The following CCSER2 variants were observed in gnomAD, a reference collection of about 807,000 sequenced individuals.
CCSER2 encodes serine-rich coiled-coil domain-containing protein 2.
Under a neutral mutation model 92.3 loss-of-function variants are expected in CCSER2, and 46 were observed. The ratio of observed to expected loss-of-function variants is 0.50; its 90% CI spans 0.39 to 0.64. The LOEUF is 0.64. CCSER2 is among the 30% of genes least tolerant of loss of function. The probability of loss-of-function intolerance (pLI) is 0.00; values close to 1 mark genes in which losing one functional copy is unlikely to be tolerated. For synonymous variants in CCSER2, 433 were observed against 431.4 expected (o/e 1.00, Z -0.04); for missense variants, 1,244 against 1,238.9 (o/e 1.00, Z -0.06).
chr10:84,453,450 A>G (rs1365797857), intron 6 of CCSER2, among the ~76,000 whole-genome samples: 1 of 152,204 alleles, frequency 6.6e-6, no homozygotes, highest in Non-Finnish European at 1.5e-5. Context: ...TAACTGTAGT[A>G]AAAAGAGGCA....
At chr10:84,488,374 CT>C (rs1482975962) in intron 9 of CCSER2, among the ~76,000 whole-genome samples, 2 of 152,128 alleles carry the variant, frequency 1.3e-5, no homozygotes, top group African/African-American at 4.8e-5. Flanking sequence ...TGGTCCTGGA[CT>C]TTTTTTGTTT....
intron 1 of CCSER2, among the ~76,000 whole-genome samples, chr10:84,337,534 G>A (rs1038221645): frequency 2.0e-5 from 3 of 152,194 alleles, no homozygotes; most frequent in Non-Finnish European, 2.9e-5. Context: ...GAAAGGAATT[G>A]TAGACTGCTG....
At chr10:84,457,294 T>A (rs374335630) in intron 6 of CCSER2, among the ~76,000 whole-genome samples, 37 of 51,446 alleles carry the variant, frequency 7.2e-4, no homozygotes, top group South Asian at 1.8e-3. Flanking sequence ...TATTATATAT[T>A]ATATATAATA....
intron 9 of CCSER2, among the ~76,000 whole-genome samples, chr10:84,479,955 G>GA (rs889267332): frequency 2.0e-5 from 3 of 151,762 alleles, no homozygotes; most frequent in Non-Finnish European, 2.9e-5. Flanking sequence ...TCCCTGAGAG[G>GA]AAAAAAAACA....
intron 5 of CCSER2, among the ~76,000 whole-genome samples, chr10:84,429,014 T>TATATAC (rs1400134320): frequency 8.6e-5 from 12 of 139,386 alleles, no homozygotes; most frequent in African/African-American, 1.3e-4. Context: ...TATATATATA[T>TATATAC]ACACACTTAA....
chr10:84,362,713 A>G (rs1249863301), intron 1 of CCSER2, among the ~76,000 whole-genome samples: 1 of 152,222 alleles, frequency 6.6e-6, no homozygotes, highest in Non-Finnish European at 1.5e-5. Flanking sequence ...TGTGTTGAGC[A>G]TGGCATGTCC....
intron 1 of CCSER2, among the ~76,000 whole-genome samples, chr10:84,364,804 T>C (rs4279950): frequency 0.21 from 31,024 of 149,272 alleles, 3,454 homozygotes; most frequent in Admixed American, 0.33. Flanking sequence ...TGCAGTGGTA[T>C]GATCTCGGCT....
At chr10:84,338,560 CCAT>C (rs762618967) in intron 1 of CCSER2, among the ~76,000 whole-genome samples, 1 of 152,036 alleles carries the variant, frequency 6.6e-6, no homozygotes, top group South Asian at 2.1e-4. Flanking sequence ...CACTCAAGGT[CCAT>C]CATCATCATC....
At chr10:84,386,398 T>C (rs1479047692) in intron 3 of CCSER2, among the ~76,000 whole-genome samples, 1 of 152,202 alleles carries the variant, frequency 6.6e-6, no homozygotes, top group Non-Finnish European at 1.5e-5. Context: ...ATATACACCA[T>C]GGAATACTAT....
At chr10:84,498,054 G>A (rs1276088302) in intron 9 of CCSER2, among the ~76,000 whole-genome samples, 1 of 152,166 alleles carries the variant, frequency 6.6e-6, no homozygotes, top group Non-Finnish European at 1.5e-5. Context: ...CTGATTCCAA[G>A]GTCAGTGCTA....
chr10:84,421,071 G>A (rs1843125588), intron 4 of CCSER2, among the ~76,000 whole-genome samples: 1 of 152,134 alleles, frequency 6.6e-6, no homozygotes, highest in South Asian at 2.1e-4. Context: ...CAAGTTTGCT[G>A]TGACCTCATT....
chr10:84,411,225 G>A (rs1292270914), intron 3 of CCSER2, among the ~76,000 whole-genome samples: 1 of 152,062 alleles, frequency 6.6e-6, no homozygotes, highest in Admixed American at 6.6e-5. Context: ...CCTGTATATA[G>A]GCTCCTGGGT....
chr10:84,424,991 C>T (rs1227288852), intron 4 of CCSER2: 1 of 984,928 alleles, frequency 1.0e-6, no homozygotes, highest in East Asian at 1.1e-4. Context: ...ACAATGTCTC[C>T]CTTGTGCAAA....
intron 3 of CCSER2, among the ~76,000 whole-genome samples, chr10:84,387,978 C>T (rs574099813): frequency 6.6e-6 from 1 of 152,306 alleles, no homozygotes; most frequent in South Asian, 2.1e-4. Context: ...ATTCTCCTGC[C>T]TCAGCCTCCT....
chr10:84,329,310 A>T (rs1843431358), intron 1 of CCSER2, among the ~76,000 whole-genome samples: 1 of 152,204 alleles, frequency 6.6e-6, no homozygotes, highest in South Asian at 2.1e-4. Context: ...ATGTATTTTC[A>T]TACATTTTTA....
intron 5 of CCSER2, among the ~76,000 whole-genome samples, chr10:84,430,899 G>C (rs1025302063): frequency 6.6e-6 from 1 of 152,132 alleles, no homozygotes; most frequent in African/African-American, 2.4e-5. Flanking sequence ...AGAAATCTCT[G>C]TTATTCTGGC....
chr10:84,374,706 A>G (rs1050657008), intron 3 of CCSER2, among the ~76,000 whole-genome samples: 2 of 152,250 alleles, frequency 1.3e-5, no homozygotes, highest in Non-Finnish European at 2.9e-5. Context: ...AAACATGGCA[A>G]GTAATGTGGA....
chr10:84,480,723 G>A (rs975001728), intron 9 of CCSER2, among the ~76,000 whole-genome samples: 1 of 152,102 alleles, frequency 6.6e-6, no homozygotes, highest in South Asian at 2.1e-4. Flanking sequence ...AATCATACAA[G>A]CCAATGACAG....
At chr10:84,440,842 T>C (rs4934015) in intron 6 of CCSER2, among the ~76,000 whole-genome samples, 15,188 of 152,300 alleles carry the variant, frequency 0.1, 958 homozygotes, top group Admixed American at 0.15. Flanking sequence ...AAGAGAGTTT[T>C]CCCTTAGAAA....
Sources: allele counts gnomAD v4.1 joint callset (sites outside exome capture counted in the v4.1 genomes callset), GRCh38; gene constraint gnomAD v4.1.1; transcripts MANE v1.5; gene names NCBI Gene and HGNC (gene_info 2026-07-23, HGNC 2026-07-21).